The following IL1RAPL2 variants were observed in gnomAD, a reference collection of about 807,000 sequenced individuals.
IL1RAPL2 encodes X-linked interleukin-1 receptor accessory protein-like 2.
Under a neutral mutation model 44.1 loss-of-function variants are expected in IL1RAPL2, and 3 were observed. That is an observed-to-expected ratio of 0.07 (90% CI 0.03 to 0.18). The LOEUF is 0.18. IL1RAPL2 is among the 10% of genes least tolerant of loss of function. The probability of loss-of-function intolerance (pLI) is 1.00; values close to 1 mark genes in which losing one functional copy is unlikely to be tolerated. For synonymous variants in IL1RAPL2, 181 were observed against 178.8 expected, an observed-to-expected ratio of 1.01 and a Z score of -0.10; for missense variants, 391 against 496.4, an observed-to-expected ratio of 0.79 and a Z score of 2.02.
chrX:104,587,032 A>G (rs892300288), intron 1 of IL1RAPL2, among the ~76,000 whole-genome samples: 1 of 111,270 alleles, frequency 9.0e-6, no homozygotes, highest in African/African-American at 3.3e-5. Context: ...GCAATTTGGG[A>G]GGATCAGAGT....
chrX:105,176,423 C>T (rs1419087220), intron 2 of IL1RAPL2, among the ~76,000 whole-genome samples: 1 of 110,845 alleles, frequency 9.0e-6, no homozygotes, highest in Non-Finnish European at 1.9e-5. Flanking sequence ...GGTGATGCCC[C>T]TTGATCAGCC....
chrX:105,565,022 C>T (rs1315130541), intron 6 of IL1RAPL2, among the ~76,000 whole-genome samples: 2 of 112,148 alleles, frequency 1.8e-5, no homozygotes, highest in Admixed American at 9.5e-5. Context: ...TAGCCAGCTC[C>T]GTCATTTGTA....
At chrX:104,761,936 CTTCTTCTT>C (rs1932459548) in intron 2 of IL1RAPL2, among the ~76,000 whole-genome samples, 1 of 60,441 alleles carries the variant, frequency 1.7e-5, no homozygotes, top group Non-Finnish European at 2.8e-5. Flanking sequence ...TCTTCTTCTT[CTTCTTCTT>C]CTTCTTCTTC....
intron 2 of IL1RAPL2, among the ~76,000 whole-genome samples, chrX:104,904,986 A>C (rs1356246635): frequency 1.8e-5 from 2 of 110,685 alleles, no homozygotes; most frequent in Admixed American, 9.6e-5. Flanking sequence ...CTTTTTAATG[A>C]TTGCCATTCT....
intron 6 of IL1RAPL2, among the ~76,000 whole-genome samples, chrX:105,586,807 A>T (rs2037132476): frequency 8.9e-6 from 1 of 112,468 alleles, no homozygotes; most frequent in Admixed American, 9.4e-5. Context: ...AACTTCTAGA[A>T]TTCTGTGCAT....
At chrX:104,744,025 G>A (rs1932134595) in intron 2 of IL1RAPL2, among the ~76,000 whole-genome samples, 2 of 110,742 alleles carry the variant, frequency 1.8e-5, no homozygotes, top group African/African-American at 6.6e-5. Context: ...TCCTGGGTTA[G>A]GGGGTGTTCT....
intron 5 of IL1RAPL2, among the ~76,000 whole-genome samples, chrX:105,426,066 G>A (rs1402371847): frequency 1.9e-5 from 2 of 105,517 alleles, no homozygotes; most frequent in Non-Finnish European, 3.9e-5. Flanking sequence ...TAGAATGTCA[G>A]ATCCATTAGG....
At chrX:105,370,445 T>C (rs991295045) in intron 5 of IL1RAPL2, among the ~76,000 whole-genome samples, 1 of 111,845 alleles carries the variant, frequency 8.9e-6, no homozygotes, top group Non-Finnish European at 1.9e-5. Flanking sequence ...TACAAATTTT[T>C]AGCTCCATCT....
At chrX:105,337,923 T>C (rs1349784355) in intron 5 of IL1RAPL2, among the ~76,000 whole-genome samples, 1 of 110,758 alleles carries the variant, frequency 9.0e-6, no homozygotes, top group African/African-American at 3.3e-5. Flanking sequence ...ACAAACTTGA[T>C]AAATGGAGGT....
chrX:105,509,760 T>C (rs896629147), intron 6 of IL1RAPL2, among the ~76,000 whole-genome samples: 24 of 111,166 alleles, frequency 2.2e-4, no homozygotes, highest in African/African-American at 7.2e-4. Flanking sequence ...CTTAGGGTAG[T>C]GTTTCCCTCT....
At chrX:104,946,329 C>T (rs1317028813) in intron 2 of IL1RAPL2, among the ~76,000 whole-genome samples, 7 of 78,198 alleles carry the variant, frequency 9.0e-5, no homozygotes, top group African/African-American at 2.9e-4. Flanking sequence ...GCCGAGATTG[C>T]GCCACTGCAG....
At chrX:104,758,505 G>GA (rs1435597980) in intron 2 of IL1RAPL2, among the ~76,000 whole-genome samples, 2 of 110,993 alleles carry the variant, frequency 1.8e-5, no homozygotes, top group Non-Finnish European at 3.8e-5. Context: ...ACTTCTTTTG[G>GA]AAAAGAGAAA....
intron 2 of IL1RAPL2, among the ~76,000 whole-genome samples, chrX:104,852,794 G>A (rs1160574574): frequency 8.9e-6 from 1 of 111,854 alleles, no homozygotes; most frequent in Non-Finnish European, 1.9e-5. Context: ...ATGGACTTTT[G>A]TGCTACTGCA....
chrX:104,881,131 A>ATCATC (rs1201762903), intron 2 of IL1RAPL2, among the ~76,000 whole-genome samples: 1 of 111,992 alleles, frequency 8.9e-6, no homozygotes, highest in African/African-American at 3.2e-5. Flanking sequence ...ATGTAAGATT[A>ATCATC]TCATCTCATT....
chrX:105,488,919 A>G (rs2036289327), intron 6 of IL1RAPL2, among the ~76,000 whole-genome samples: 1 of 112,136 alleles, frequency 8.9e-6, no homozygotes, highest in Non-Finnish European at 1.9e-5. Context: ...ACTTTTTCCT[A>G]TAGTGGAAGC....
rs777100088 is a variant in IL1RAPL2, at chrX:105,740,546, G to C, written c.903G>C (p.Arg301Ser). 1 of 1,207,487 alleles carries C rather than the reference G, an allele frequency of 8.3e-7. No individual in the cohort carries two copies. Among genetic ancestry groups the C allele is most frequent in the Non-Finnish European group, 1.1e-6 (1 of 893,101 alleles). ...GCCAAGAATACCGTCTTTATTTCAG[G>C]CTTCTCAAAGAGCATCTTGGAGAAA... The part of the protein sequence containing the change: ...LAGHIREGEI[R>S]LLKEHLGEKE... The change falls in exon 8 of 11, where the codon AGG becomes AGC. Residue 301 changes from arginine (R) to serine (S), a missense_variant and splice_region_variant. By Grantham distance (110) the Arg-to-Ser change is moderately radical. This residue lies in a region of IL1RAPL2 where 159 missense variants were observed against 251.7 expected (regional missense o/e 0.63). Coordinates refer to ENST00000372582, the MANE Select transcript of IL1RAPL2 (RefSeq NM_017416.2).
At chrX:105,050,589 A>G (rs1454184478) in intron 2 of IL1RAPL2, among the ~76,000 whole-genome samples, 1 of 111,969 alleles carries the variant, frequency 8.9e-6, no homozygotes, top group Non-Finnish European at 1.9e-5. Context: ...CATTTTTGTT[A>G]CAAGATCTTT....
intron 6 of IL1RAPL2, among the ~76,000 whole-genome samples, chrX:105,710,248 A>G (rs1272389172): frequency 9.2e-6 from 1 of 108,482 alleles, no homozygotes; most frequent in Non-Finnish European, 1.9e-5. Context: ...TCATTATTCT[A>G]TTCTAAGGTT....
intron 3 of IL1RAPL2, among the ~76,000 whole-genome samples, chrX:105,213,167 TAAC>T (rs1387619745): frequency 1.8e-5 from 2 of 109,953 alleles, no homozygotes; most frequent in African/African-American, 6.6e-5. Context: ...AGGTGGGTAA[TAAC>T]AAACTCCTCT....
Sources: allele counts gnomAD v4.1 joint callset (sites outside exome capture counted in the v4.1 genomes callset), GRCh38; gene constraint gnomAD v4.1.1; regional missense constraint gnomAD v4.1.1; transcripts MANE v1.5; gene names NCBI Gene and HGNC (gene_info 2026-07-23, HGNC 2026-07-21).